Variants in ARHGEF19 observed in about 807,000 individuals in gnomAD.
ARHGEF19 encodes the protein Rho guanine nucleotide exchange factor 19, also known as Rho guanine nucleotide exchange factor (GEF) 19.
ARHGEF19 carries 92 observed loss-of-function variants against 87.6 expected under a neutral mutation model. That is an observed-to-expected ratio of 1.05 (90% CI 0.89 to 1.25). The LOEUF is 1.25. Among genes scored for constraint, ARHGEF19 ranks in the 50% most tolerant of loss-of-function variants. The probability of loss-of-function intolerance (pLI) is 0.00; values close to 1 mark genes in which losing one functional copy is unlikely to be tolerated. For missense variants in ARHGEF19, 1,054 were observed against 1,051.8 expected, an observed-to-expected ratio of 1.00 and a Z score of -0.03; for synonymous variants, 438 against 446.2, an observed-to-expected ratio of 0.98 and a Z score of 0.23.
At chr1:16,203,493 C>T (rs993574641) in intron 12 of ARHGEF19, among the ~76,000 whole-genome samples, 2 of 152,156 alleles carry the variant, frequency 1.3e-5, no homozygotes, top group Non-Finnish European at 2.9e-5. Flanking sequence ...GGCCTCTCCC[C>T]TTCCAGTTCA....
intron 1 of ARHGEF19, among the ~76,000 whole-genome samples, chr1:16,211,286 C>T (rs1283157215): frequency 6.6e-6 from 1 of 151,994 alleles, no homozygotes; most frequent in Non-Finnish European, 1.5e-5. Context: ...AGACGGGTCT[C>T]TTTCTCTGCA....
rs762151192 is a variant in ARHGEF19 at position 16,207,693 on chromosome 1, C to T, written c.779G>A (p.Gly260Asp). The T allele has an allele frequency of 6.2e-7, 1 of 1,614,082 alleles. No homozygotes were observed. The highest frequency in any genetic ancestry group is 1.1e-5 in the South Asian group (1 of 91,086). ...GTGGTACCTGGGCTCGGACCAATCG[C>T]CCTCTCGTGAGTCACCAGGGGCTGG... ...SRPAPGDSRE[G>D]DWSEPRLDTQ... The change falls in exon 4 of 16, where the codon GGC becomes GAC. Residue 260 changes from glycine to aspartate, a missense_variant. By Grantham distance (94) the Gly-to-Asp change is moderately conservative. Transcript: ENST00000270747. This position sits in a 1 kb window ranked among gnomAD's most constrained non-coding sequence, Gnocchi z 4.0.
Position 16,211,801 on chromosome 1 carries a change from C to T in ARHGEF19, c.-30+701G>A, listed in dbSNP as rs187525252. 2.1e-3 allele frequency among the ~76,000 whole-genome samples: 317 copies of T among 152,318 alleles called. 2 individuals carry two copies. The highest frequency in any genetic ancestry group is 7.3e-3 in the African/African-American group (302 of 41,570). On this transcript the variant is annotated intron_variant, in intron 1 of 15. Transcript: ENST00000270747. Reference sequence around the variant, plus strand: ...GTTAGAAAAAAACAAACAAAAACCTCAGAAAGAGAACTGGCCCCAGACAGC... The same window carrying T: ...GTTAGAAAAAAACAAACAAAAACCTTAGAAAGAGAACTGGCCCCAGACAGC...
At chr1:16,203,275 C>T (rs1240217313) in intron 12 of ARHGEF19, among the ~76,000 whole-genome samples, 1 of 152,190 alleles carries the variant, frequency 6.6e-6, no homozygotes, top group Non-Finnish European at 1.5e-5. Flanking sequence ...ATCCCCTTTA[C>T]TGTTCTCCAT....
chr1:16,201,463 C>T (rs1023107079), intron 14 of ARHGEF19, among the ~76,000 whole-genome samples: 4 of 152,206 alleles, frequency 2.6e-5, no homozygotes, highest in African/African-American at 7.2e-5. Context: ...GCTCTGGTCT[C>T]GGCTCTGCTA....
Position 16,207,596 on chromosome 1 carries a change from A to G in ARHGEF19, c.800T>C (p.Leu267Pro), listed in dbSNP as rs543690491. 3 of 1,613,840 alleles carry G rather than the reference A, an allele frequency of 1.9e-6. No homozygotes were observed. Among genetic ancestry groups the G allele is most frequent in the African/African-American group, 1.3e-5 (1 of 74,964 alleles). Residue 267 changes from leucine to proline, a missense_variant and splice_region_variant, in exon 5 of 16, where the codon CTA becomes CCA. Physicochemically the swap from Leu to Pro is moderately conservative, Grantham distance 98. Transcript: ENST00000270747. The surrounding 1 kb of genome is among the most constrained non-coding windows in gnomAD (Gnocchi z 4.0). ...SREGDWSEPRLDTQEEPPLGS... is the reference protein window; with the variant it reads ...SREGDWSEPRPDTQEEPPLGS... ...CAAAGGCGGCTCTTCCTGTGTGTCT[A>G]GCCTAGGAAAGAGAGAGCGTCACGG...
Position 16,199,155 on chromosome 1 carries a change from C to T in ARHGEF19, c.2246G>A (p.Ser749Asn). 6.2e-7 allele frequency: 1 copy of T among 1,614,030 alleles called. No homozygotes were observed. The highest frequency in any genetic ancestry group is 8.5e-7 in the Non-Finnish European group (1 of 1,179,938). The change falls in exon 15 of 16, where the codon AGT (serine) becomes AAT (asparagine). Residue 749 changes from serine to asparagine, a missense_variant. By Grantham distance (46) the Ser-to-Asn change is conservative. Coordinates refer to ENST00000270747, the MANE Select transcript of ARHGEF19 (RefSeq NM_153213.5). ...TDILSVRTWT[S>N]DGWLEGVRLA... is the part of the protein sequence containing the mutation. ...TTCCCAGGAGGCCCCCTCACCGTCA[C>T]TGGTCCAGGTCCTCACTGACAGGAT...
chr1:16,205,717 G>A lies in ARHGEF19; in HGVS notation c.1452-50C>T. 1.3e-6 allele frequency: 2 copies of A among 1,559,308 alleles called. No homozygotes were observed. On this transcript the variant is annotated intron_variant, in intron 8 of 15. Transcript: ENST00000270747. The surrounding 1 kb of genome is among the most constrained non-coding windows in gnomAD (Gnocchi z 5.8). ...ATCACAGGTAGGCCTGAATTCCTGG[G>A]ATCCACAACCCTGGCCATCCACGGG...
Position 16,205,469 on chromosome 1 carries a change from G to T in ARHGEF19, c.1582-44C>A. 1 of 1,612,528 alleles carries T rather than the reference G, an allele frequency of 6.2e-7. No homozygotes were observed. The highest frequency in any genetic ancestry group is 1.3e-5 in the African/African-American group (1 of 74,906). ...ACAATGAGGCAGTCCTCATACTCCC[G>T]AGACCCGGCCCGCCCACAGGTGTAT... On this transcript the variant is annotated intron_variant, in intron 9 of 15. Transcript: ENST00000270747. The surrounding 1 kb of genome is among the most constrained non-coding windows in gnomAD (Gnocchi z 5.8).
Position 16,206,389 on chromosome 1 carries a change from G to C in ARHGEF19, c.1138-49C>G. 6.4e-7 allele frequency: 1 copy of C among 1,551,854 alleles called. No homozygotes were observed. The highest frequency in any genetic ancestry group is 8.7e-7 in the Non-Finnish European group (1 of 1,145,944). On this transcript the variant is annotated intron_variant, in intron 6 of 15. Coordinates refer to ENST00000270747, the MANE Select transcript of ARHGEF19 (RefSeq NM_153213.5). The surrounding 1 kb of genome is among the most constrained non-coding windows in gnomAD (Gnocchi z 4.6). ...CGAAAGGGCAGGACCAGTTCACCTC[G>C]GAGGCCCTGGCCTCACATCCCCAGA...
At chr1:16,208,500 G>A in intron 2 of ARHGEF19, 143 bp downstream of exon 2, 7 of 1,172,596 alleles carry the variant, frequency 6.0e-6, no homozygotes, top group South Asian at 1.6e-5. Flanking sequence ...CCTTCCCTGA[G>A]CCCCACTAGT....
Position 16,198,944 on chromosome 1 carries a change from C to T in ARHGEF19, c.2252-200G>A, listed in dbSNP as rs961961757. ...CTTCTGACCTGTTTTTCCTGATATC[C>T]TCTGAAAGGGTATTTCCCACTCTCC... On this transcript the variant is annotated intron_variant, in intron 15 of 15. Transcript: ENST00000270747. The surrounding 1 kb of genome is among the most constrained non-coding windows in gnomAD (Gnocchi z 4.1). Among the ~76,000 whole-genome samples the T allele has an allele frequency of 2.6e-5, 4 of 152,132 alleles. No individual in the cohort carries two copies. Among genetic ancestry groups the T allele is most frequent in the African/African-American group, 7.2e-5 (3 of 41,416 alleles).
In ARHGEF19 at chr1:16,208,872, A is replaced by G. The variant is rs2081171689; in HGVS notation, c.183T>C (p.Pro61=). The change falls in exon 2 of 16, where the codon CCT becomes CCC. Residue 61 remains proline (P), a synonymous_variant. Transcript: ENST00000270747. ...FPVAPEELRA[P]GSRWSLGTPA... is the part of the protein sequence containing the mutation. Reference sequence around the variant, plus strand: ...GGGTCCCCAGGGACCAGCGGCTGCCAGGAGCCCGAAGCTCCTCTGGGGCAA... The same window carrying G: ...GGGTCCCCAGGGACCAGCGGCTGCCGGGAGCCCGAAGCTCCTCTGGGGCAA... The G allele has an allele frequency of 1.2e-6, 2 of 1,603,496 alleles. No homozygotes were observed. The highest frequency in any genetic ancestry group is 2.2e-5 in the South Asian group (2 of 90,276).
At chr1:16,204,221 T>C (rs221048) in intron 12 of ARHGEF19, among the ~76,000 whole-genome samples, 37,047 of 152,090 alleles carry the variant, frequency 0.24, 4,867 homozygotes, top group South Asian at 0.39. Context: ...TACCTCACTC[T>C]TCCTAACAAT....
chr1:16,206,459 A>G lies in ARHGEF19; in HGVS notation c.1138-119T>C. 1.8e-6 allele frequency: 2 copies of G among 1,136,430 alleles called. No homozygotes were observed. Among genetic ancestry groups the G allele is most frequent in the South Asian group, 2.9e-5 (2 of 68,346 alleles). 70.4% of individuals were successfully genotyped at this position (1,136,430 alleles called of 1,614,324 possible). ...GCGTCCTCGCCCCTTCTCTAGCCCC[A>G]CTCCTAATCTGGCGCCGGGCGGGCC... On this transcript the variant is annotated intron_variant, in intron 6 of 15. Transcript: ENST00000270747. This position sits in a 1 kb window ranked among gnomAD's most constrained non-coding sequence, Gnocchi z 4.6.
At chr1:16,209,744 A>AC (rs1430468934) in intron 1 of ARHGEF19, among the ~76,000 whole-genome samples, 1 of 152,076 alleles carries the variant, frequency 6.6e-6, no homozygotes, top group Non-Finnish European at 1.5e-5. Flanking sequence ...ACAGACACAC[A>AC]CCAGCCCACA....
At position 16,206,762 on chromosome 1, in the gene ARHGEF19, G is replaced by A. The variant is rs1389310721; in HGVS notation, c.1137+186C>T. On this transcript the variant is annotated intron_variant, in intron 6 of 15. Coordinates refer to ENST00000270747, the MANE Select transcript of ARHGEF19 (RefSeq NM_153213.5). This position sits in a 1 kb window ranked among gnomAD's most constrained non-coding sequence, Gnocchi z 4.6. ...GGCTCCCCTCGCCTCTCGCTCAGCGGCTTGCTGTCCTCGCTTCCAGACGGC... is the reference window on the plus strand; with the variant it reads ...GGCTCCCCTCGCCTCTCGCTCAGCGACTTGCTGTCCTCGCTTCCAGACGGC... Among the ~76,000 whole-genome samples the A allele has an allele frequency of 6.6e-6, 1 of 151,914 alleles. No homozygotes were observed. Among genetic ancestry groups the A allele is most frequent in the Non-Finnish European group, 1.5e-5 (1 of 67,964 alleles).
intron 12 of ARHGEF19, among the ~76,000 whole-genome samples, chr1:16,203,718 G>C (rs1271854841): frequency 1.3e-5 from 2 of 152,046 alleles, no homozygotes; most frequent in African/African-American, 4.8e-5. Flanking sequence ...CTGTACTCCT[G>C]CACTCAAACT....
rs1339707869 is a variant in ARHGEF19 at position 16,202,562 on chromosome 1, A to G, written c.1920T>C (p.Phe640=). 6.2e-7 allele frequency: 1 copy of G among 1,613,602 alleles called. No homozygotes were observed. The highest frequency in any genetic ancestry group is 2.2e-5 in the East Asian group (1 of 44,870). The change falls in exon 13 of 16, where the codon TTT becomes TTC. Residue 640 remains phenylalanine (F), a synonymous_variant. Transcript: ENST00000270747. ...LLSRRKELGK[F]AVFVHAKMAE... is the part of the protein sequence containing the mutation. ...CCATCTTGGCATGGACGAAAACGGC[A>G]AACTTCCCTAGCCTGGAGGACCGGG...
Sources: allele counts gnomAD v4.1 joint callset (sites outside exome capture counted in the v4.1 genomes callset), GRCh38; gene constraint gnomAD v4.1.1; non-coding constraint Gnocchi (gnomAD v3.1); transcripts MANE v1.5; gene names NCBI Gene and HGNC (gene_info 2026-07-23, HGNC 2026-07-21).